Variants in TTC29 observed in about 807,000 individuals in gnomAD.
TTC29 encodes tetratricopeptide repeat protein 29.
Under a neutral mutation model 58.1 loss-of-function variants are expected in TTC29, and 49 were observed. The ratio of observed to expected loss-of-function variants is 0.84; its 90% CI spans 0.67 to 1.07. The LOEUF is 1.07. Among genes scored for constraint, TTC29 ranks in the 50% least tolerant of loss-of-function variants. The probability of loss-of-function intolerance (pLI) is 0.00; values close to 1 mark genes in which losing one functional copy is unlikely to be tolerated. For missense variants in TTC29, 582 were observed against 555.6 expected, an observed-to-expected ratio of 1.05 and a Z score of -0.48; for synonymous variants, 209 against 196.8, an observed-to-expected ratio of 1.06 and a Z score of -0.52.
intron 11 of TTC29, among the ~76,000 whole-genome samples, chr4:146,788,350 A>G (rs190335424): frequency 1.1e-4 from 16 of 152,330 alleles, no homozygotes; most frequent in Non-Finnish European, 2.2e-4. Context: ...GATATCACTA[A>G]TGTGGGGCAC....
At chr4:146,762,260 T>C (rs1259455095) in intron 11 of TTC29, among the ~76,000 whole-genome samples, 2 of 151,958 alleles carry the variant, frequency 1.3e-5, no homozygotes, top group African/African-American at 4.8e-5. Flanking sequence ...AGGGCCTGAA[T>C]ATGTGAATTT....
intron 4 of TTC29, among the ~76,000 whole-genome samples, chr4:146,917,744 T>G (rs1301407904): frequency 6.8e-6 from 1 of 146,670 alleles, no homozygotes; most frequent in Non-Finnish European, 1.5e-5. Context: ...ATATAAAAAT[T>G]ATATAAAATT....
intron 8 of TTC29, among the ~76,000 whole-genome samples, chr4:146,845,531 A>G (rs1461658578): frequency 6.6e-6 from 1 of 152,210 alleles, no homozygotes; most frequent in Non-Finnish European, 1.5e-5. Flanking sequence ...TCAGTTATTT[A>G]TGGAAACTAA....
chr4:146,810,971 T>A (rs1042381688), intron 10 of TTC29, among the ~76,000 whole-genome samples: 1 of 152,234 alleles, frequency 6.6e-6, no homozygotes, highest in Non-Finnish European at 1.5e-5. Flanking sequence ...TTACTGCTCT[T>A]ATTTTCCCAT....
In TTC29 at chr4:146,842,971, A is replaced by G. The variant is rs186430496; in HGVS notation, c.886-9074T>C. On this transcript the variant is annotated intron_variant, in intron 8 of 12. Coordinates refer to ENST00000325106, the MANE Select transcript of TTC29 (RefSeq NM_031956.4). ...GCCGTTTCACAGTTGGTGAGCAGAG[A>G]GGATGTTTCTGCCTCATTTACAGTG... Among the ~76,000 whole-genome samples, 9 of 152,274 alleles carry G rather than the reference A, an allele frequency of 5.9e-5. No homozygotes were observed. In the East Asian group the frequency reaches 1.7e-3, roughly 29 times the overall value.
chr4:146,926,616 C>T (rs1234567007), intron 4 of TTC29, among the ~76,000 whole-genome samples: 1 of 152,012 alleles, frequency 6.6e-6, no homozygotes, highest in Non-Finnish European at 1.5e-5. Flanking sequence ...GTGCGTGCCA[C>T]CATGCCTGGC....
Position 146,797,556 on chromosome 4 carries a change from C to T in TTC29, c.1330+5901G>A, listed in dbSNP as rs538670612. ...ATGCTTATTTTTTTTTATTTCAGTA[C>T]TTTAAATATCTTCTTCTGAACTGTA... On this transcript the variant is annotated intron_variant, in intron 11 of 12. Coordinates refer to ENST00000325106, the MANE Select transcript of TTC29 (RefSeq NM_031956.4). 9.9e-5 allele frequency among the ~76,000 whole-genome samples: 15 copies of T among 151,728 alleles called. No individual in the cohort carries two copies. In the South Asian group the frequency reaches 2.9e-3, roughly 29 times the overall value.
At chr4:146,936,544 C>G (rs1735836420) in intron 4 of TTC29, among the ~76,000 whole-genome samples, 1 of 151,970 alleles carries the variant, frequency 6.6e-6, no homozygotes, top group Admixed American at 6.6e-5. Flanking sequence ...TAGCATTTAG[C>G]CAAAAATCCC....
intron 11 of TTC29, among the ~76,000 whole-genome samples, chr4:146,736,016 A>C (rs903151094): frequency 1.3e-5 from 2 of 152,194 alleles, no homozygotes; most frequent in African/African-American, 2.4e-5. Flanking sequence ...GATTGGGTGG[A>C]CCAAAGGGAG....
intron 3 of TTC29, among the ~76,000 whole-genome samples, chr4:146,939,241 G>A (rs1019391751): frequency 1.3e-5 from 2 of 152,146 alleles, no homozygotes; most frequent in African/African-American, 4.8e-5. Flanking sequence ...AATCACTTGA[G>A]GCCAGGAGTT....
In TTC29 at chr4:146,793,850, T is replaced by C. The variant is rs192316743; in HGVS notation, c.1330+9607A>G. The stretch of plus-strand genomic sequence containing the variant: ...TGACAGCATTATGCATGATTACCTA[T>C]GCAATTACACTTGCACATGCTTGAA... On this transcript the variant is annotated intron_variant, in intron 11 of 12. Transcript: ENST00000325106. Among the ~76,000 whole-genome samples, 10 of 152,290 alleles carry C rather than the reference T, an allele frequency of 6.6e-5. No individual in the cohort carries two copies. In the East Asian group the frequency reaches 1.2e-3, roughly 18 times the overall value.
At chr4:146,885,030 A>G (rs1331201405) in intron 6 of TTC29, among the ~76,000 whole-genome samples, 2 of 152,114 alleles carry the variant, frequency 1.3e-5, no homozygotes. Flanking sequence ...TATCTCATAC[A>G]TGAATACAAT....
At chr4:146,815,009 G>A (rs1034809972) in intron 10 of TTC29, among the ~76,000 whole-genome samples, 9 of 152,150 alleles carry the variant, frequency 5.9e-5, no homozygotes, top group Non-Finnish European at 1.2e-4. Flanking sequence ...AGATAGGGGT[G>A]GGGCTATCTC....
In TTC29 at chr4:146,893,764, A is replaced by G. The variant is rs187851009; in HGVS notation, c.586+9780T>C. 4.2e-3 allele frequency among the ~76,000 whole-genome samples: 635 copies of G among 152,346 alleles called. 1 individual carries two copies. Among genetic ancestry groups the G allele is most frequent in the Non-Finnish European group, 7.3e-3 (500 of 68,032 alleles). On this transcript the variant is annotated intron_variant, in intron 6 of 12. Coordinates refer to ENST00000325106, the MANE Select transcript of TTC29 (RefSeq NM_031956.4). Reference sequence around the variant, plus strand: ...AACGGGCAACCTACAGAATGGGAGGAAATTTTTGCAATCTACTCATCTGAC... The same window carrying G: ...AACGGGCAACCTACAGAATGGGAGGGAATTTTTGCAATCTACTCATCTGAC...
At chr4:146,760,163 A>G (rs941758345) in intron 11 of TTC29, among the ~76,000 whole-genome samples, 5 of 152,092 alleles carry the variant, frequency 3.3e-5, no homozygotes, top group African/African-American at 1.2e-4. Context: ...AGAGATTCAA[A>G]TTGAGAACTC....
chr4:146,920,628 T>C (rs180992390), intron 4 of TTC29, among the ~76,000 whole-genome samples: 14 of 145,986 alleles, frequency 9.6e-5, no homozygotes, highest in Admixed American at 3.4e-4. Flanking sequence ...GAAAAAAGTA[T>C]ATACACTTAT....
At position 146,889,141 on chromosome 4, in the gene TTC29, C is replaced by T. The variant is rs142595465; in HGVS notation, c.587-14213G>A. Among the ~76,000 whole-genome samples, 1,472 of 152,104 alleles carry T rather than the reference C, an allele frequency of 9.7e-3. 15 individuals carry two copies. The highest frequency in any genetic ancestry group is 0.068 in the Middle Eastern group (20 of 294). ...ATTTATTTTTATTCAATATTTGTGT[C>T]CTTTATTTTTAATATCCCTTACTGC... On this transcript the variant is annotated intron_variant, in intron 6 of 12. Transcript: ENST00000325106.
At position 146,820,245 on chromosome 4, in the gene TTC29, T is replaced by A. The variant is rs149464457; in HGVS notation, c.981A>T (p.Gln327His). Residue 327 changes from glutamine to histidine, a missense_variant, in exon 10 of 13, where the codon CAA becomes CAT. By Grantham distance (24) the Gln-to-His change is conservative. Transcript: ENST00000325106. ...ATTTAATTGCTTCTGTCATCTCTCC[T>A]TGGCTAGAATGAATGAAATAGGAAG... The part of the protein sequence containing the change: ...YEAIAKVLQS[Q>H]GEMTEAIKYL... 8.1e-4 allele frequency: 1,312 copies of A among 1,610,888 alleles called. 2 individuals carry two copies. Among genetic ancestry groups the A allele is most frequent in the Non-Finnish European group, 9.5e-4 (1,123 of 1,179,326 alleles).
chr4:146,892,619 G>T (rs887027173), intron 6 of TTC29, among the ~76,000 whole-genome samples: 13 of 152,220 alleles, frequency 8.5e-5, no homozygotes, highest in South Asian at 2.1e-4. Flanking sequence ...TTTGAAAACT[G>T]GTACAAGATA....
Sources: gnomAD v4.1 joint callset for allele counts (sites outside exome capture counted in the v4.1 genomes callset) on GRCh38, gnomAD v4.1.1 for gene constraint, MANE v1.5 for transcripts, NCBI Gene and HGNC (gene_info 2026-07-23, HGNC 2026-07-21) for gene names.